ROCK1: variants seen among roughly 807,000 people sequenced by gnomAD.
ROCK1 encodes the protein Rho associated coiled-coil containing protein kinase 1.
Under a neutral mutation model 196.8 loss-of-function variants are expected in ROCK1, and 36 were observed. The observed-to-expected ratio is 0.18, with a 90% CI of 0.14 to 0.24. The LOEUF (loss-of-function observed/expected upper bound fraction) is 0.24. ROCK1 is among the 10% of genes least tolerant of loss of function. ROCK1 has a pLI of 1.00. For synonymous variants in ROCK1, 443 were observed against 515.9 expected (o/e 0.86, Z 1.91); for missense variants, 920 against 1,562.0 (o/e 0.59, Z 6.93).
chr18:21,093,193 G>A (rs1476276953), intron 1 of ROCK1, among the ~76,000 whole-genome samples: 1 of 152,154 alleles, frequency 6.6e-6, no homozygotes. Context: ...CACTGTACCT[G>A]AACAAATAGT....
At chr18:21,041,789 AT>A (rs1303178546) in intron 8 of ROCK1, among the ~76,000 whole-genome samples, 7 of 152,064 alleles carry the variant, frequency 4.6e-5, no homozygotes, top group Non-Finnish European at 1.0e-4. Flanking sequence ...ATGTTAAAAA[AT>A]TTTTTTAGAT....
intron 2 of ROCK1, among the ~76,000 whole-genome samples, chr18:21,069,193 T>C (rs1947918500): frequency 6.6e-6 from 1 of 152,146 alleles, no homozygotes; most frequent in African/African-American, 2.4e-5. Flanking sequence ...TTTTATCAAA[T>C]GCTTTTTCTG....
chr18:20,961,839 T>G (rs1178420988), intron 27 of ROCK1, among the ~76,000 whole-genome samples: 2 of 139,270 alleles, frequency 1.4e-5, no homozygotes, highest in East Asian at 2.0e-4. Context: ...TTTTTTTTTT[T>G]GACATGAAGT....
chr18:20,996,443 T>C (rs1030653261), intron 16 of ROCK1, among the ~76,000 whole-genome samples: 2 of 152,006 alleles, frequency 1.3e-5, no homozygotes, highest in African/African-American at 4.8e-5. Context: ...AAAGAGAGTA[T>C]CTAAGAGTTA....
intron 9 of ROCK1, among the ~76,000 whole-genome samples, chr18:21,029,820 T>G (rs1326678924): frequency 5.3e-5 from 8 of 152,164 alleles, no homozygotes; most frequent in Non-Finnish European, 1.2e-4. Flanking sequence ...AATAAAATTT[T>G]AAGAAAATTT....
At chr18:21,060,528 T>C (rs2036279496) in intron 2 of ROCK1, among the ~76,000 whole-genome samples, 1 of 152,162 alleles carries the variant, frequency 6.6e-6, no homozygotes, top group African/African-American at 2.4e-5. Context: ...TATTTACATA[T>C]CTGCCCAAGT....
intron 27 of ROCK1, among the ~76,000 whole-genome samples, chr18:20,965,325 G>A (rs1462074748): frequency 1.3e-5 from 2 of 151,982 alleles, no homozygotes; most frequent in African/African-American, 2.4e-5. Context: ...CAGGAGGCAG[G>A]ATCATGAACC....
chr18:20,978,268 T>G (rs1267519111), intron 22 of ROCK1, among the ~76,000 whole-genome samples: 17 of 150,852 alleles, frequency 1.1e-4, no homozygotes, highest in Admixed American at 1.1e-3. Context: ...CCTAATGTAT[T>G]AAGGATCTAA....
intron 1 of ROCK1, among the ~76,000 whole-genome samples, chr18:21,092,771 G>A (rs2143588092): frequency 6.6e-6 from 1 of 152,184 alleles, no homozygotes; most frequent in African/African-American, 2.4e-5. Context: ...ACAAGAATCT[G>A]TATTTGGTTC....
intron 1 of ROCK1, among the ~76,000 whole-genome samples, chr18:21,083,405 T>A (rs1598556835): frequency 6.6e-6 from 1 of 152,264 alleles, no homozygotes; most frequent in East Asian, 1.9e-4. Context: ...AGGACTCAAA[T>A]TCACTGACTT....
chr18:21,076,917 G>C (rs1179011301), intron 1 of ROCK1, among the ~76,000 whole-genome samples: 1 of 150,272 alleles, frequency 6.7e-6, no homozygotes, highest in Non-Finnish European at 1.5e-5. Context: ...TGTTATGGCA[G>C]TTTACTTGCT....
intron 13 of ROCK1, among the ~76,000 whole-genome samples, chr18:21,010,301 A>C (rs1269463186): frequency 6.6e-6 from 1 of 152,022 alleles, no homozygotes; most frequent in Non-Finnish European, 1.5e-5. Context: ...TTGATTTTAG[A>C]CTTTTCCTCT....
At chr18:21,070,840 A>T (rs1412638512) in intron 1 of ROCK1, among the ~76,000 whole-genome samples, 1 of 152,204 alleles carries the variant, frequency 6.6e-6, no homozygotes, top group Non-Finnish European at 1.5e-5. Flanking sequence ...CAAGAAAATT[A>T]CCACAGATTG....
At chr18:21,034,557 C>T (rs553025323) in intron 9 of ROCK1, among the ~76,000 whole-genome samples, 1 of 152,274 alleles carries the variant, frequency 6.6e-6, no homozygotes, top group African/African-American at 2.4e-5. Flanking sequence ...AAAGGACAGT[C>T]CTTTCAACAC....
At chr18:20,988,174 T>A (rs2035593218) in intron 18 of ROCK1, among the ~76,000 whole-genome samples, 1 of 152,058 alleles carries the variant, frequency 6.6e-6, no homozygotes, top group East Asian at 1.9e-4. Flanking sequence ...CTAAGAATAC[T>A]CCTGCCTCAG....
chr18:21,106,205 T>C (rs1487636160), intron 1 of ROCK1, among the ~76,000 whole-genome samples: 2 of 152,226 alleles, frequency 1.3e-5, no homozygotes, highest in Admixed American at 6.5e-5. Context: ...ACAGGCATCA[T>C]GAAGCGATGT....
At chr18:21,012,023 C>T (rs1206766489) in intron 13 of ROCK1, among the ~76,000 whole-genome samples, 1 of 152,190 alleles carries the variant, frequency 6.6e-6, no homozygotes, top group Admixed American at 6.6e-5. Context: ...CTCACTCCAA[C>T]CTCCACCTCC....
At chr18:21,025,509 G>C (rs2035948198) in intron 10 of ROCK1, among the ~76,000 whole-genome samples, 1 of 152,162 alleles carries the variant, frequency 6.6e-6, no homozygotes, top group African/African-American at 2.4e-5. Flanking sequence ...TGGATCACTT[G>C]AGGCCAGGGG....
At chr18:20,952,315 G>A (rs2035196606) in intron 32 of ROCK1, among the ~76,000 whole-genome samples, 2 of 152,154 alleles carry the variant, frequency 1.3e-5, no homozygotes, top group South Asian at 2.1e-4. Flanking sequence ...CTGGGAGGCA[G>A]AGGTTGCAGT....
Sources: gnomAD v4.1 joint callset for allele counts (sites outside exome capture counted in the v4.1 genomes callset) on GRCh38, gnomAD v4.1.1 for gene constraint, MANE v1.5 for transcripts, NCBI Gene and HGNC (gene_info 2026-07-23, HGNC 2026-07-21) for gene names.